DYNC2I1: variants seen among roughly 807,000 people sequenced by gnomAD.
DYNC2I1 encodes the protein dynein 2 intermediate chain 1.
Under a neutral mutation model 133.4 loss-of-function variants are expected in DYNC2I1, and 89 were observed. The ratio of observed to expected loss-of-function variants is 0.67; its 90% CI spans 0.56 to 0.80. The LOEUF (loss-of-function observed/expected upper bound fraction) is 0.80. DYNC2I1 is among the 30% of genes least tolerant of loss of function. The probability of loss-of-function intolerance (pLI) is 0.00; values close to 1 mark genes in which losing one functional copy is unlikely to be tolerated. For synonymous variants in DYNC2I1, 504 were observed against 484.3 expected, an observed-to-expected ratio of 1.04 and a Z score of -0.54; for missense variants, 1,291 against 1,314.5, an observed-to-expected ratio of 0.98 and a Z score of 0.28.
At chr7:158,883,617 A>G (rs569432684) in intron 5 of DYNC2I1, among the ~76,000 whole-genome samples, 14 of 151,186 alleles carry the variant, frequency 9.3e-5, no homozygotes, top group Admixed American at 2.6e-4. Flanking sequence ...AGTAAGTACA[A>G]TAAATATACA....
At chr7:158,948,644 T>C (rs1851959763), downstream of DYNC2I1, among the ~76,000 whole-genome samples, 1 of 152,082 alleles carries the variant, frequency 6.6e-6, no homozygotes, top group Non-Finnish European at 1.5e-5. Context: ...CATATCGGAA[T>C]GTACAAGCGC....
intron 23 of DYNC2I1, among the ~76,000 whole-genome samples, chr7:158,935,388 C>T (rs192940777): frequency 1.6e-3 from 241 of 152,282 alleles, no homozygotes; most frequent in African/African-American, 5.4e-3. Context: ...CAACTTTATA[C>T]GTGATTAAAT....
intron 1 of DYNC2I1, among the ~76,000 whole-genome samples, chr7:158,861,985 GA>G (rs1182500769): frequency 2.6e-5 from 4 of 151,908 alleles, no homozygotes; most frequent in African/African-American, 9.7e-5. Context: ...AGGAATTTTG[GA>G]AAAAAAATGA....
the DYNC2I1 span, among the ~76,000 whole-genome samples, chr7:158,848,118 T>C: frequency 2.0e-5 from 3 of 152,348 alleles, no homozygotes; most frequent in African/African-American, 7.2e-5. Context: ...GGGATATATG[T>C]GATCCAATTG....
chr7:158,908,139 G>A (rs1033345172), intron 11 of DYNC2I1, among the ~76,000 whole-genome samples: 2 of 152,016 alleles, frequency 1.3e-5, no homozygotes, highest in Non-Finnish European at 2.9e-5. Flanking sequence ...TGTGGGGTGA[G>A]TTCTGGCATT....
chr7:158,906,133 A>T lies in DYNC2I1; in HGVS notation c.1460+42A>T, dbSNP rs918538740. ...AGCAGCCAAAGGTGTTCAGGGTTTT[A>T]GCTTAACTTTTCTTTCACATACTTT... On this transcript the variant is annotated intron_variant, in intron 11 of 24. Coordinates refer to ENST00000407559, the MANE Select transcript of DYNC2I1 (RefSeq NM_018051.5). 5 of 1,532,092 alleles carry T rather than the reference A, an allele frequency of 3.3e-6. No homozygotes were observed. In the African/African-American group the frequency reaches 6.9e-5, roughly 21 times the overall value. The allele number at this position is 1,532,092 out of a possible 1,614,324, so 94.9% of individuals were successfully genotyped here.
At chr7:158,856,368 G>A (rs1177246616), upstream of DYNC2I1, among the ~76,000 whole-genome samples, 2 of 152,260 alleles carry the variant, frequency 1.3e-5, no homozygotes, top group Non-Finnish European at 2.9e-5. Context: ...CCAAGTCAGG[G>A]TACTGCACCT....
the DYNC2I1 span, among the ~76,000 whole-genome samples, chr7:158,841,862 G>C: frequency 6.6e-6 from 1 of 152,214 alleles, no homozygotes; most frequent in Non-Finnish European, 1.5e-5. Context: ...AGATGGTTCT[G>C]TCTGCTGGAG....
intron 3 of DYNC2I1, among the ~76,000 whole-genome samples, 171 bp from the exon 4 acceptor site, chr7:158,876,438 A>T (rs1441189890): frequency 1.3e-5 from 2 of 152,190 alleles, no homozygotes; most frequent in Non-Finnish European, 2.9e-5. Flanking sequence ...TTTAAATTTG[A>T]TACTAGAACT....
At chr7:158,912,349 C>G (rs1024164315) in intron 12 of DYNC2I1, among the ~76,000 whole-genome samples, 1 of 152,156 alleles carries the variant, frequency 6.6e-6, no homozygotes, top group African/African-American at 2.4e-5. Flanking sequence ...TTACTGGTAC[C>G]ACCAATCTTA....
Position 158,926,384 on chromosome 7 carries a change from TG to T in DYNC2I1, c.2372-17del, listed in dbSNP as rs759626118. ...TTATTTAAAGCCATTTCTTTCTTTTTGTTTCTGTCTTCATCAGAAATGTCAG... is the reference window on the plus strand; with the variant it reads ...TTATTTAAAGCCATTTCTTTCTTTTTTTTCTGTCTTCATCAGAAATGTCAG... On this transcript the variant is annotated splice_polypyrimidine_tract_variant and intron_variant, in intron 18 of 24. Transcript: ENST00000407559. The T allele has an allele frequency of 3.1e-6, 5 of 1,609,356 alleles. No individual in the cohort carries two copies. The highest frequency in any genetic ancestry group is 1.7e-5 in the Admixed American group (1 of 59,060).
chr7:158,918,946 TA>T, intron 15 of DYNC2I1, 77 bp downstream of exon 15: 1 of 1,430,730 alleles, frequency 7.0e-7, no homozygotes, highest in Admixed American at 2.4e-5. Context: ...TGTAGTATAA[TA>T]TTTTATTTTA....
chr7:158,868,629 G>T lies in DYNC2I1; in HGVS notation c.16-1226G>T, dbSNP rs1341800897. Among the ~76,000 whole-genome samples the T allele has an allele frequency of 2.0e-5, 3 of 152,260 alleles. 1 individual carries two copies. Among genetic ancestry groups the T allele is most frequent in the African/African-American group, 7.2e-5 (3 of 41,464 alleles). On this transcript the variant is annotated intron_variant, in intron 1 of 24. Coordinates refer to ENST00000407559, the MANE Select transcript of DYNC2I1 (RefSeq NM_018051.5). ...TGAATACAAGTACAGGGCCCTGGAG[G>T]GCCAGAGACACGGGTGAGCTTGTGG...
intron 1 of DYNC2I1, among the ~76,000 whole-genome samples, chr7:158,861,675 T>C (rs1478084351): frequency 2.0e-5 from 3 of 152,170 alleles, no homozygotes; most frequent in Non-Finnish European, 2.9e-5. Context: ...AATACATGCA[T>C]ACCGAAAACA....
At chr7:158,943,709 A>G (rs889356925) in intron 24 of DYNC2I1, among the ~76,000 whole-genome samples, 14 of 152,120 alleles carry the variant, frequency 9.2e-5, no homozygotes, top group African/African-American at 3.1e-4. Context: ...GTTTGTTGTC[A>G]TTAGCAGGTT....
At chr7:158,888,554 C>T (rs1585043405) in intron 7 of DYNC2I1, among the ~76,000 whole-genome samples, 2 of 152,144 alleles carry the variant, frequency 1.3e-5, no homozygotes, top group Admixed American at 1.3e-4. Context: ...TCACCTCAAC[C>T]TCTGCCTCCT....
At position 158,914,299 on chromosome 7, in the gene DYNC2I1, G is replaced by T; in HGVS notation, c.1769G>T (p.Ser590Ile). ...MPKIDTPRLCSFLRAACQVMA... is the reference protein window; with the variant it reads ...MPKIDTPRLCIFLRAACQVMA... Reference sequence around the variant, plus strand: ...AAGATTGATACTCCAAGGTTATGTAGCTTTCTGCGGGCTGCTTGTCAGGTA... The same window carrying T: ...AAGATTGATACTCCAAGGTTATGTATCTTTCTGCGGGCTGCTTGTCAGGTA... The change falls in exon 14 of 25, where the codon AGC becomes ATC. Residue 590 changes from serine to isoleucine, a missense_variant. Transcript: ENST00000407559. 2 of 1,612,098 alleles carry T rather than the reference G, an allele frequency of 1.2e-6. No homozygotes were observed. The highest frequency in any genetic ancestry group is 8.5e-7 in the Non-Finnish European group (1 of 1,178,998).
chr7:158,882,133 T>C (rs571606655), intron 5 of DYNC2I1, among the ~76,000 whole-genome samples: 3 of 152,244 alleles, frequency 2.0e-5, no homozygotes, highest in Non-Finnish European at 4.4e-5. Context: ...ACTGACATTT[T>C]CTTTTTAAGA....
intron 5 of DYNC2I1, among the ~76,000 whole-genome samples, chr7:158,883,218 C>CTTT (rs201980757): frequency 1.2e-4 from 16 of 134,376 alleles, no homozygotes; most frequent in East Asian, 4.4e-4. Context: ...TTTTCTTCTT[C>CTTT]TTTTTTTTTT....
Sources: gnomAD v4.1 joint callset for allele counts (sites outside exome capture counted in the v4.1 genomes callset) on GRCh38, gnomAD v4.1.1 for gene constraint, MANE v1.5 for transcripts, NCBI Gene and HGNC (gene_info 2026-07-23, HGNC 2026-07-21) for gene names.